The following DGKB variants were observed in gnomAD, a reference collection of about 807,000 sequenced individuals.
DGKB encodes 90 kDa diacylglycerol kinase.
Under a neutral mutation model 114.3 loss-of-function variants are expected in DGKB, and 67 were observed. That is an observed-to-expected ratio of 0.59 (90% CI 0.48 to 0.72). The LOEUF (loss-of-function observed/expected upper bound fraction) is 0.72, where lower values mean the gene tolerates loss of function less well. Among genes scored for constraint, DGKB ranks in the 30% least tolerant of loss-of-function variants. The pLI, the probability that DGKB is intolerant of heterozygous loss-of-function variation, is 0.00. For missense variants in DGKB, 907 were observed against 975.2 expected (o/e 0.93, Z 0.93); for synonymous variants, 398 against 323.1 (o/e 1.23, Z -2.49).
At chr7:14,521,519 C>T (rs1437623529) in intron 20 of DGKB, among the ~76,000 whole-genome samples, 2 of 151,916 alleles carry the variant, frequency 1.3e-5, no homozygotes, top group African/African-American at 2.4e-5. Flanking sequence ...TTTCTGACAC[C>T]GCAGACCTGC....
intron 1 of DGKB, among the ~76,000 whole-genome samples, chr7:14,946,826 T>G (rs1785908434): frequency 6.6e-6 from 1 of 151,828 alleles, no homozygotes; most frequent in African/African-American, 2.4e-5. Context: ...TCCTCTAACA[T>G]TTGAATCAAG....
intron 4 of DGKB, among the ~76,000 whole-genome samples, chr7:14,736,740 C>T (rs1448841543): frequency 6.6e-6 from 1 of 152,172 alleles, no homozygotes; most frequent in Non-Finnish European, 1.5e-5. Flanking sequence ...ACTTCATACG[C>T]AGACTTTCCA....
chr7:14,733,750 G>GAAAGA (rs1554627742), intron 5 of DGKB, among the ~76,000 whole-genome samples: 5 of 6,584 alleles, frequency 7.6e-4, no homozygotes, highest in African/African-American at 1.1e-3. Context: ...AAGAAATAAA[G>GAAAGA]AAGAAAGAAA....
intron 13 of DGKB, among the ~76,000 whole-genome samples, chr7:14,633,952 G>A (rs1279206431): frequency 6.6e-6 from 1 of 151,316 alleles, no homozygotes; most frequent in East Asian, 1.9e-4. Flanking sequence ...TTTCTAATGT[G>A]TAATCATTTT....
intron 23 of DGKB, among the ~76,000 whole-genome samples, chr7:14,234,155 T>C (rs1792381737): frequency 1.3e-5 from 2 of 152,044 alleles, no homozygotes; most frequent in African/African-American, 4.8e-5. Context: ...AACCTTGTGA[T>C]GGACTTTGAA....
intron 23 of DGKB, among the ~76,000 whole-genome samples, chr7:14,302,843 T>C (rs1267839314): frequency 6.6e-6 from 1 of 152,128 alleles, no homozygotes; most frequent in African/African-American, 2.4e-5. Context: ...CAAGGTAAAA[T>C]ATTTGCTGTA....
chr7:14,965,473 C>A (rs573020402), intron 1 of DGKB, among the ~76,000 whole-genome samples: 2 of 152,038 alleles, frequency 1.3e-5, no homozygotes, highest in East Asian at 3.9e-4. Flanking sequence ...CTAACAGAAA[C>A]TTGAGCATCA....
intron 23 of DGKB, among the ~76,000 whole-genome samples, chr7:14,280,308 G>C (rs1240164435): frequency 6.6e-6 from 1 of 152,028 alleles, no homozygotes; most frequent in Non-Finnish European, 1.5e-5. Context: ...AAAGTTTAGA[G>C]AGAAAAGAAT....
chr7:14,489,573 G>A (rs1336462463), intron 20 of DGKB, among the ~76,000 whole-genome samples: 1 of 152,148 alleles, frequency 6.6e-6, no homozygotes, highest in Non-Finnish European at 1.5e-5. Context: ...TGCAAAGAAA[G>A]ACTTATCATC....
At chr7:14,287,188 A>G (rs192744950) in intron 23 of DGKB, among the ~76,000 whole-genome samples, 7 of 152,254 alleles carry the variant, frequency 4.6e-5, no homozygotes, top group Admixed American at 2.6e-4. Context: ...TAGAATTCCA[A>G]CATAACAGAA....
intron 8 of DGKB, among the ~76,000 whole-genome samples, chr7:14,695,972 A>G (rs1880547): frequency 1.3e-5 from 2 of 152,172 alleles, no homozygotes; most frequent in African/African-American, 4.8e-5. Flanking sequence ...ATAGTAGCAG[A>G]CTTATCAGTA....
intron 20 of DGKB, among the ~76,000 whole-genome samples, chr7:14,497,960 ATTTAAC>A (rs1211283994): frequency 1.3e-5 from 2 of 151,896 alleles, no homozygotes; most frequent in African/African-American, 4.8e-5. Context: ...TTTGTTGTAC[ATTTAAC>A]TTTATTGACA....
intron 1 of DGKB, among the ~76,000 whole-genome samples, chr7:14,938,928 T>A (rs1400659621): frequency 1.3e-5 from 2 of 152,194 alleles, no homozygotes; most frequent in Non-Finnish European, 2.9e-5. Flanking sequence ...TCTAACCTCT[T>A]TAATTCTCTA....
chr7:14,353,121 T>C (rs1344394160), intron 21 of DGKB, among the ~76,000 whole-genome samples: 1 of 152,074 alleles, frequency 6.6e-6, no homozygotes, highest in Non-Finnish European at 1.5e-5. Flanking sequence ...AAAATCTAAC[T>C]CAAGAAACCC....
chr7:14,387,676 T>TA, intron 21 of DGKB, among the ~76,000 whole-genome samples: 1 of 152,074 alleles, frequency 6.6e-6, no homozygotes, highest in South Asian at 2.1e-4. Flanking sequence ...CTCAGCCTCC[T>TA]AAAGTGCTGA....
At chr7:14,870,113 A>T (rs1852236801) in intron 1 of DGKB, among the ~76,000 whole-genome samples, 1 of 151,982 alleles carries the variant, frequency 6.6e-6, no homozygotes, top group South Asian at 2.1e-4. Flanking sequence ...TTCCATTGCC[A>T]CCTGTATGAA....
intron 4 of DGKB, among the ~76,000 whole-genome samples, chr7:14,741,859 G>C (rs1325682174): frequency 6.6e-6 from 1 of 152,100 alleles, no homozygotes; most frequent in Non-Finnish European, 1.5e-5. Context: ...GGATTTAAAA[G>C]GATTTTCTTA....
intron 21 of DGKB, among the ~76,000 whole-genome samples, chr7:14,475,109 G>C (rs1781972969): frequency 6.6e-6 from 1 of 152,030 alleles, no homozygotes; most frequent in Admixed American, 6.6e-5. Context: ...GATAATGTTA[G>C]AAACATCATG....
At chr7:14,865,803 C>A (rs977474182) in intron 1 of DGKB, among the ~76,000 whole-genome samples, 1 of 152,022 alleles carries the variant, frequency 6.6e-6, no homozygotes, top group Non-Finnish European at 1.5e-5. Context: ...AAAAGAAGAC[C>A]ATGAATAGAG....
Sources: allele counts gnomAD v4.1 joint callset (sites outside exome capture counted in the v4.1 genomes callset), GRCh38; gene constraint gnomAD v4.1.1; transcripts MANE v1.5; gene names NCBI Gene and HGNC (gene_info 2026-07-23, HGNC 2026-07-21).